Variants in PCNX1 observed in about 807,000 individuals in gnomAD.
PCNX1 encodes pecanex 1.
Under a neutral mutation model 242.2 loss-of-function variants are expected in PCNX1, and 78 were observed. That is an observed-to-expected ratio of 0.32 (90% CI 0.27 to 0.39). The LOEUF (loss-of-function observed/expected upper bound fraction) is 0.39. Ranked by LOEUF, PCNX1 falls within the 10% of genes least tolerant of loss-of-function variation. PCNX1 has a pLI of 1.00. For missense variants in PCNX1, 2,581 were observed against 2,856.5 expected (o/e 0.90, Z 2.20); for synonymous variants, 1,024 against 1,032.9 (o/e 0.99, Z 0.17).
At chr14:70,916,760 G>C (rs765238743) in intron 1 of PCNX1, among the ~76,000 whole-genome samples, 1 of 152,194 alleles carries the variant, frequency 6.6e-6, no homozygotes, top group African/African-American at 2.4e-5. Flanking sequence ...TGAGGTGGCT[G>C]TGGCAATTTC....
chr14:71,075,465 A>G (rs2061693752), intron 27 of PCNX1, among the ~76,000 whole-genome samples: 1 of 152,150 alleles, frequency 6.6e-6, no homozygotes, highest in African/African-American at 2.4e-5. Context: ...TCTAGTTCTA[A>G]ATATATATCT....
rs367654662 is a variant in PCNX1 at position 71,044,189 on chromosome 14, G to A, written c.3868-944G>A. On this transcript the variant is annotated intron_variant, in intron 19 of 35. Coordinates refer to ENST00000304743, the MANE Select transcript of PCNX1 (RefSeq NM_014982.3). ...TGCTAGGGGTACGGATGCTAGGTAGGCTAGTCCTCAGGTGCCAGTAGTGGC... is the reference window on the plus strand; with the variant it reads ...TGCTAGGGGTACGGATGCTAGGTAGACTAGTCCTCAGGTGCCAGTAGTGGC... 3.6e-3 allele frequency among the ~76,000 whole-genome samples: 548 copies of A among 152,228 alleles called. 1 individual carries two copies. Among genetic ancestry groups the A allele is most frequent in the African/African-American group, 0.013 (531 of 41,542 alleles).
chr14:70,966,115 T>C (rs147432987), intron 3 of PCNX1, among the ~76,000 whole-genome samples: 1,697 of 152,328 alleles, frequency 0.011, 14 homozygotes, highest in South Asian at 0.017. Flanking sequence ...CATTTGGATA[T>C]ACTATAGTTT....
chr14:70,942,981 G>C (rs2057315111), intron 1 of PCNX1: 1 of 152,648 alleles, frequency 6.6e-6, no homozygotes, highest in Non-Finnish European at 1.5e-5. Context: ...CCCTTCGCTG[G>C]GTACTCACTT....
intron 1 of PCNX1, among the ~76,000 whole-genome samples, chr14:70,919,571 A>G (rs1448260726): frequency 6.6e-6 from 1 of 152,126 alleles, no homozygotes; most frequent in African/African-American, 2.4e-5. Flanking sequence ...GAAGATTACA[A>G]CAAACGTTCT....
chr14:71,003,248 TA>T (rs1303371630), intron 8 of PCNX1, among the ~76,000 whole-genome samples: 1 of 151,882 alleles, frequency 6.6e-6, no homozygotes, highest in Non-Finnish European at 1.5e-5. Flanking sequence ...CGTGCCCAGC[TA>T]TTTTTTTATT....
chr14:71,063,489 G>T (rs1043916718), intron 26 of PCNX1, among the ~76,000 whole-genome samples: 1 of 152,154 alleles, frequency 6.6e-6, no homozygotes, highest in African/African-American at 2.4e-5. Context: ...AATAATGTAA[G>T]TGTGTAGCCT....
At chr14:70,972,147 A>G (rs911749129) in intron 5 of PCNX1, among the ~76,000 whole-genome samples, 1 of 151,988 alleles carries the variant, frequency 6.6e-6, no homozygotes, top group Non-Finnish European at 1.5e-5. Flanking sequence ...TGGATATACT[A>G]TGTGAGAGAA....
At chr14:70,991,398 G>C (rs960659775) in intron 7 of PCNX1, among the ~76,000 whole-genome samples, 1 of 152,002 alleles carries the variant, frequency 6.6e-6, no homozygotes, top group Non-Finnish European at 1.5e-5. Context: ...CAGAGATGGG[G>C]TTTCACTATG....
chr14:71,085,464 G>T (rs1197063505), intron 28 of PCNX1: 1 of 152,262 alleles, frequency 6.6e-6, no homozygotes, highest in Non-Finnish European at 1.5e-5. Flanking sequence ...AAATATCTGT[G>T]TCATAAGCAA....
Position 71,036,139 on chromosome 14 carries a change from A to G in PCNX1, c.3849A>G (p.Thr1283=), listed in dbSNP as rs143207839. The G allele has an allele frequency of 3.6e-5, 58 of 1,592,640 alleles. 1 individual carries two copies. In the Admixed American group the frequency reaches 4.3e-4, roughly 12 times the overall value. The change falls in exon 19 of 36, where the codon ACA becomes ACG. Residue 1283 remains threonine, a synonymous_variant. Transcript: ENST00000304743. ...TGTATTTTGCTATTCATGTAAGCAC[A>G]GTCTTCACAGTATTGCAGGTAAGGA... ...GVLYFAIHVS[T]VFTVLQPALK... is the part of the protein sequence containing the mutation.
At chr14:70,952,939 T>A (rs887756348) in intron 2 of PCNX1, among the ~76,000 whole-genome samples, 6 of 152,088 alleles carry the variant, frequency 3.9e-5, no homozygotes, top group Non-Finnish European at 8.8e-5. Flanking sequence ...ACCTTAAAAA[T>A]TTTCCATTCA....
rs375880805 is a variant in PCNX1, at chr14:71,033,442, G to C, written c.3572G>C (p.Gly1191Ala). 2 of 1,585,906 alleles carry C rather than the reference G, an allele frequency of 1.3e-6. No individual in the cohort carries two copies. The highest frequency in any genetic ancestry group is 1.7e-6 in the Non-Finnish European group (2 of 1,155,912). The part of the protein sequence containing the change: ...CYGALKDSWD[G>A]QHIPVLFSIF... ...ATTTTTCCGCAGGATTCTTGGGATG[G>C]CCAGCATATTCCAGTACTTTTCTCC... The change falls in exon 17 of 36, where the codon GGC (glycine) becomes GCC (alanine). Residue 1191 changes from glycine (G) to alanine (A), a missense_variant. Physicochemically the swap from Gly to Ala is moderately conservative, Grantham distance 60 (BLOSUM62 0). Coordinates refer to ENST00000304743, the MANE Select transcript of PCNX1 (RefSeq NM_014982.3).
At position 71,055,552 on chromosome 14, in the gene PCNX1, T is replaced by C; in HGVS notation, c.4626T>C (p.Asp1542=). ...ATACCAGATTGGCTTCCCAGCTTGA[T>C]AGAAATCCAGGTAATAGCTCTATTT... ...HSNTRLASQL[D]RNPGSDDNNL... The change falls in exon 25 of 36, where the codon GAT becomes GAC. Residue 1542 remains aspartate, a synonymous_variant. Coordinates refer to ENST00000304743, the MANE Select transcript of PCNX1 (RefSeq NM_014982.3). 1 of 1,602,336 alleles carries C rather than the reference T, an allele frequency of 6.2e-7. No individual in the cohort carries two copies.
chr14:70,945,167 G>A (rs560240103), intron 1 of PCNX1, among the ~76,000 whole-genome samples: 1 of 152,084 alleles, frequency 6.6e-6, no homozygotes, highest in Admixed American at 6.6e-5. Context: ...GGAGTCCCCA[G>A]GCACCAGTCA....
intron 27 of PCNX1, among the ~76,000 whole-genome samples, 171 bp downstream of exon 27, chr14:71,073,969 G>A (rs980690655): frequency 1.3e-5 from 2 of 151,844 alleles, no homozygotes; most frequent in African/African-American, 2.4e-5. Context: ...GCCTACTAAC[G>A]TCTTGCCTTC....
chr14:71,075,533 CA>C (rs2141458970), intron 27 of PCNX1, among the ~76,000 whole-genome samples: 1 of 150,194 alleles, frequency 6.7e-6, no homozygotes, highest in South Asian at 2.1e-4. Flanking sequence ...AGAAATTATT[CA>C]AAATAAATGC....
At chr14:71,023,569 G>T (rs12891140) in intron 13 of PCNX1, among the ~76,000 whole-genome samples, 13,647 of 151,970 alleles carry the variant, frequency 0.09, 733 homozygotes, top group Admixed American at 0.17. Context: ...TTATGAATAG[G>T]TATTGAAAAT....
intron 32 of PCNX1, among the ~76,000 whole-genome samples, chr14:71,104,193 G>A (rs1297194204): frequency 6.6e-6 from 1 of 152,000 alleles, no homozygotes; most frequent in Non-Finnish European, 1.5e-5. Flanking sequence ...TTTTTTCTCT[G>A]TCTTTTGTCT....
Sources: allele counts gnomAD v4.1 joint callset (sites outside exome capture counted in the v4.1 genomes callset), GRCh38; gene constraint gnomAD v4.1.1; transcripts MANE v1.5; gene names NCBI Gene and HGNC (gene_info 2026-07-23, HGNC 2026-07-21).